Variants in KIAA0825 observed in about 807,000 individuals in gnomAD.
KIAA0825 encodes the protein KIAA0825.
Under a neutral mutation model 147.6 loss-of-function variants are expected in KIAA0825, and 119 were observed. The observed-to-expected ratio is 0.81, with a 90% CI of 0.69 to 0.94. The LOEUF is 0.94. Ranked by LOEUF, KIAA0825 falls within the 40% of genes least tolerant of loss-of-function variation. The pLI is 0.00. For missense variants in KIAA0825, 1,381 were observed against 1,472.7 expected, an observed-to-expected ratio of 0.94 and a Z score of 1.02; for synonymous variants, 470 against 518.1, an observed-to-expected ratio of 0.91 and a Z score of 1.26.
At chr5:94,415,539 G>A (rs913577689) in intron 15 of KIAA0825, 37 of 152,102 alleles carry the variant, frequency 2.4e-4, no homozygotes, top group African/African-American at 8.7e-4. Context: ...AAATGGGAGA[G>A]AAAAGAGAAA....
chr5:94,267,766 A>T (rs1374882366), intron 20 of KIAA0825, among the ~76,000 whole-genome samples: 1 of 151,838 alleles, frequency 6.6e-6, no homozygotes, highest in Admixed American at 6.6e-5. Context: ...TTCTTGTTTC[A>T]TTTTTACGTT....
chr5:94,446,322 T>C (rs1276317344), intron 13 of KIAA0825, among the ~76,000 whole-genome samples: 1 of 152,136 alleles, frequency 6.6e-6, no homozygotes, highest in Non-Finnish European at 1.5e-5. Flanking sequence ...AGGACACATA[T>C]ATAGTTTAAG....
intron 5 of KIAA0825, among the ~76,000 whole-genome samples, chr5:94,498,176 G>C (rs1356019543): frequency 6.6e-6 from 1 of 152,176 alleles, no homozygotes; most frequent in Non-Finnish European, 1.5e-5. Context: ...TGGTTTTCAA[G>C]ACTCTTGTAA....
chr5:94,222,942 T>C (rs1773800384), intron 20 of KIAA0825, among the ~76,000 whole-genome samples: 1 of 152,174 alleles, frequency 6.6e-6, no homozygotes, highest in African/African-American at 2.4e-5. Flanking sequence ...GTTACCCTTT[T>C]GTATGTGTGG....
At chr5:94,586,213 G>A (rs559156173) in intron 1 of KIAA0825, among the ~76,000 whole-genome samples, 23 of 152,104 alleles carry the variant, frequency 1.5e-4, no homozygotes, top group African/African-American at 5.3e-4. Context: ...AGGAGATAGA[G>A]ACATAAAAAA....
chr5:94,403,867 G>A (rs1367618816), intron 15 of KIAA0825, 74 bp from the exon 16 acceptor site: 3 of 1,255,722 alleles, frequency 2.4e-6, no homozygotes, highest in Non-Finnish European at 3.4e-6. Context: ...CTAGAATTCA[G>A]TTTTGTAATC....
chr5:94,269,335 A>G (rs1326530567), intron 20 of KIAA0825, among the ~76,000 whole-genome samples: 1 of 152,178 alleles, frequency 6.6e-6, no homozygotes, highest in East Asian at 1.9e-4. Context: ...CTTCACTCAA[A>G]TGAAGACAGG....
chr5:94,217,209 A>G (rs1197915834), intron 20 of KIAA0825, among the ~76,000 whole-genome samples: 1 of 152,208 alleles, frequency 6.6e-6, no homozygotes, highest in East Asian at 1.9e-4. Context: ...TTAATTTTCT[A>G]TCTGGTGTGT....
At chr5:94,200,935 T>C (rs1481098210) in intron 20 of KIAA0825, among the ~76,000 whole-genome samples, 3 of 123,922 alleles carry the variant, frequency 2.4e-5, no homozygotes, top group Non-Finnish European at 4.9e-5. Context: ...TCTAGAAATA[T>C]AGAATTTAAA....
intron 18 of KIAA0825, among the ~76,000 whole-genome samples, chr5:94,388,051 G>A (rs1481222252): frequency 6.6e-6 from 1 of 152,170 alleles, no homozygotes; most frequent in Non-Finnish European, 1.5e-5. Flanking sequence ...CCAGTTTCCT[G>A]GAAGACAATT....
intron 11 of KIAA0825, among the ~76,000 whole-genome samples, chr5:94,463,890 C>A (rs1206014912): frequency 1.3e-5 from 2 of 151,772 alleles, no homozygotes; most frequent in African/African-American, 2.4e-5. Context: ...TCTTTGCTTT[C>A]AAAAGGAATT....
At chr5:94,206,926 A>G (rs1043402028) in intron 20 of KIAA0825, among the ~76,000 whole-genome samples, 2 of 152,324 alleles carry the variant, frequency 1.3e-5, no homozygotes, top group African/African-American at 4.8e-5. Context: ...AATCAATTCT[A>G]TAGACAATAC....
intron 20 of KIAA0825, among the ~76,000 whole-genome samples, chr5:94,209,413 C>G (rs1772500876): frequency 6.6e-6 from 1 of 152,102 alleles, no homozygotes; most frequent in Non-Finnish European, 1.5e-5. Context: ...TATTCATAAG[C>G]AGGGTGAGAC....
At chr5:94,362,779 A>G (rs1479002159) in intron 20 of KIAA0825, among the ~76,000 whole-genome samples, 1 of 152,238 alleles carries the variant, frequency 6.6e-6, no homozygotes, top group Non-Finnish European at 1.5e-5. Flanking sequence ...AAGAATGAAC[A>G]AACAGTCACA....
At chr5:94,348,333 T>A (rs1480807096) in intron 20 of KIAA0825, among the ~76,000 whole-genome samples, 3 of 152,130 alleles carry the variant, frequency 2.0e-5, no homozygotes, top group Non-Finnish European at 4.4e-5. Context: ...TTCACCTAGG[T>A]ACACTGTCAT....
At chr5:94,311,650 A>G (rs1440607430) in intron 20 of KIAA0825, among the ~76,000 whole-genome samples, 2 of 151,626 alleles carry the variant, frequency 1.3e-5, no homozygotes, top group Non-Finnish European at 3.0e-5. Context: ...GGCTTGCCAC[A>G]TTGTATAATA....
In KIAA0825 at chr5:94,520,795, G is replaced by A. The variant is rs778514323; in HGVS notation, c.423C>T (p.Leu141=). The change falls in exon 5 of 21, where the codon CTC becomes CTT. Residue 141 remains leucine, a synonymous_variant. Coordinates refer to ENST00000682413, the MANE Select transcript of KIAA0825 (RefSeq NM_001145678.3). ...STLSGTSFHF[L]SRTSLHSVED... ...CAACAGAATGAAGAGACGTCCTAGA[G>A]AGGAAATGGAAAGATGTTCCACTTA... is the stretch of plus-strand genomic sequence containing the variant. 1.6e-5 allele frequency: 26 copies of A among 1,613,092 alleles called. No individual in the cohort carries two copies. Among genetic ancestry groups the A allele is most frequent in the Non-Finnish European group, 3.4e-6 (4 of 1,179,392 alleles).
At chr5:94,205,351 G>A (rs575338053) in intron 20 of KIAA0825, among the ~76,000 whole-genome samples, 1 of 145,958 alleles carries the variant, frequency 6.9e-6, no homozygotes, top group Non-Finnish European at 1.5e-5. Flanking sequence ...ACCCAGGATG[G>A]AGTGTTGTGG....
At chr5:94,575,434 A>G (rs1336147252) in intron 2 of KIAA0825, among the ~76,000 whole-genome samples, 2 of 152,164 alleles carry the variant, frequency 1.3e-5, no homozygotes, top group Non-Finnish European at 2.9e-5. Flanking sequence ...TGAGTGAGGC[A>G]GACAGTTACA....
Sources: gnomAD v4.1 joint callset for allele counts (sites outside exome capture counted in the v4.1 genomes callset) on GRCh38, gnomAD v4.1.1 for gene constraint, MANE v1.5 for transcripts, NCBI Gene and HGNC (gene_info 2026-07-23, HGNC 2026-07-21) for gene names.